Variants in BRF1 observed in about 807,000 individuals in gnomAD.
The protein encoded by BRF1 is transcription factor IIIB 90 kDa subunit.
In BRF1, 59 loss-of-function variants were observed where a neutral mutation model predicts 81.7. The ratio of observed to expected loss-of-function variants is 0.72; its 90% CI spans 0.59 to 0.90. BRF1 has a LOEUF of 0.90. Ranked by LOEUF, BRF1 falls within the 40% of genes least tolerant of loss-of-function variation. The probability of loss-of-function intolerance (pLI) is 0.00; values close to 1 mark genes in which losing one functional copy is unlikely to be tolerated. For synonymous variants in BRF1, 491 were observed against 395.6 expected, an observed-to-expected ratio of 1.24 and a Z score of -2.86; for missense variants, 1,050 against 936.3, an observed-to-expected ratio of 1.12 and a Z score of -1.58.
At chr14:105,215,792 G>C (rs1458867365) in intron 15 of BRF1, among the ~76,000 whole-genome samples, 1 of 85,568 alleles carries the variant, frequency 1.2e-5, no homozygotes, top group African/African-American at 4.9e-5. Flanking sequence ...ACACACACAT[G>C]CACACACACT....
chr14:105,212,323 T>TG, intron 15 of BRF1, 159 bp from the exon 16 acceptor site: 1 of 864,096 alleles, frequency 1.2e-6, no homozygotes. Flanking sequence ...GCTCCATCAG[T>TG]GCTCACTGCA....
At chr14:105,247,029 T>C (rs758870537) in intron 5 of BRF1, 3 of 985,468 alleles carry the variant, frequency 3.0e-6, no homozygotes, top group Non-Finnish European at 3.6e-6. Context: ...GTCTCCACTC[T>C]GGCCATTTGT....
At chr14:105,228,989 C>A (rs587762742) in intron 6 of BRF1, 76 bp from the exon 7 acceptor site, 4 of 1,328,468 alleles carry the variant, frequency 3.0e-6, no homozygotes, top group Non-Finnish European at 3.2e-6. Flanking sequence ...CAGGACAACA[C>A]TGCGGATCCC....
rs369618475 is a variant in BRF1, at chr14:105,226,673, G to A, written c.876C>T (p.Pro292=). ...KIDLEEECDP[P]SYTAGQRKLR... is the part of the protein sequence containing the mutation. ...GCTTCCTCTGCCCAGCTGTGTACGA[G>A]GGGGGGTCGCACTCCTCCTCCAGGT... The change falls in exon 8 of 18, where the codon CCC becomes CCT. Residue 292 remains proline, a synonymous_variant. Transcript: ENST00000547530. 5 of 1,613,256 alleles carry A rather than the reference G, an allele frequency of 3.1e-6. No homozygotes were observed. The East Asian group carries it at 6.7e-5, about 22-fold the overall frequency.
chr14:105,287,644 G>T (rs2057364157), intron 1 of BRF1, among the ~76,000 whole-genome samples: 1 of 152,198 alleles, frequency 6.6e-6, no homozygotes, highest in African/African-American at 2.4e-5. Context: ...AAACCATGAG[G>T]CAGGGACCTC....
At chr14:105,229,588 A>T (rs1263680432) in intron 6 of BRF1, among the ~76,000 whole-genome samples, 2 of 152,240 alleles carry the variant, frequency 1.3e-5, no homozygotes, top group African/African-American at 4.8e-5. Context: ...TCTGAGTGAC[A>T]GCTGCGACCT....
At position 105,252,774 on chromosome 14, in the gene BRF1, C is replaced by T. The variant is rs369826047; in HGVS notation, c.472-195G>A. The stretch of plus-strand genomic sequence containing the variant: ...AGGGCCCTGCCTTCTTCCTCTAAGC[C>T]GCTGCTTTAGGCCGTGCTGCCGTCT... On this transcript the variant is annotated intron_variant, in intron 4 of 17. Coordinates refer to ENST00000547530, the MANE Select transcript of BRF1 (RefSeq NM_001519.4). 9.9e-5 allele frequency among the ~76,000 whole-genome samples: 15 copies of T among 152,228 alleles called. 1 individual carries two copies. The highest frequency in any genetic ancestry group is 4.1e-4 in the South Asian group (2 of 4,836).
Position 105,226,374 on chromosome 14 carries a change from G to A in BRF1, c.916-84C>T. ...TCTGGGGTGCCGCGTGGGCCCCAGG[G>A]ACCACAGGCTGCTAGAACTTAGGGG... is the stretch of plus-strand genomic sequence containing the variant. On this transcript the variant is annotated intron_variant, in intron 8 of 17. Transcript: ENST00000547530. 3 of 1,572,550 alleles carry A rather than the reference G, an allele frequency of 1.9e-6. 1 individual carries two copies. The highest frequency in any genetic ancestry group is 3.4e-4 in the Middle Eastern group (2 of 5,940).
chr14:105,266,331 T>C (rs915779203), intron 3 of BRF1, among the ~76,000 whole-genome samples: 1 of 152,158 alleles, frequency 6.6e-6, no homozygotes, highest in Non-Finnish European at 1.5e-5. Context: ...GAGAGTCGCC[T>C]GAGCCAGGGA....
chr14:105,252,134 C>T (rs1291539169), intron 5 of BRF1, among the ~76,000 whole-genome samples: 1 of 152,196 alleles, frequency 6.6e-6, no homozygotes, highest in East Asian at 1.9e-4. Context: ...TCTACACCTT[C>T]CTGCCACCTG....
chr14:105,286,007 T>C (rs980697193), intron 2 of BRF1, among the ~76,000 whole-genome samples: 5 of 152,222 alleles, frequency 3.3e-5, no homozygotes, highest in African/African-American at 1.2e-4. Flanking sequence ...CCAACTGCTA[T>C]AAATGTGTTA....
chr14:105,304,782 ATGG>A (rs1566882860), upstream of BRF1, among the ~76,000 whole-genome samples: 1 of 152,272 alleles, frequency 6.6e-6, no homozygotes, highest in African/African-American at 2.4e-5. Flanking sequence ...TCTTACGTGG[ATGG>A]CAGCAGGGAG....
intron 5 of BRF1, among the ~76,000 whole-genome samples, chr14:105,251,699 C>T (rs980701725): frequency 6.6e-6 from 1 of 151,986 alleles, no homozygotes; most frequent in Non-Finnish European, 1.5e-5. Flanking sequence ...AAAGGACATA[C>T]GCTCCTAGAT....
At chr14:105,259,144 GAAAT>G (rs1185202423) in intron 3 of BRF1, among the ~76,000 whole-genome samples, 1 of 152,104 alleles carries the variant, frequency 6.6e-6, no homozygotes, top group East Asian at 1.9e-4. Context: ...TTACCCAAGA[GAAAT>G]AAAAACAGAT....
At chr14:105,296,372 G>C (rs2057745300) in intron 1 of BRF1, among the ~76,000 whole-genome samples, 1 of 152,006 alleles carries the variant, frequency 6.6e-6, no homozygotes, top group African/African-American at 2.4e-5. Flanking sequence ...AATTAGCCGG[G>C]CGTGGTGCTG....
At chr14:105,212,006 C>T in intron 16 of BRF1, 107 bp downstream of exon 16, 1 of 1,493,368 alleles carries the variant, frequency 6.7e-7, no homozygotes, top group East Asian at 2.5e-5. Context: ...GGGCAGGCGC[C>T]TCTGTCAGGC....
intron 5 of BRF1, among the ~76,000 whole-genome samples, chr14:105,243,901 A>C (rs2975217): frequency 0.24 from 35,898 of 151,640 alleles, 4,594 homozygotes; most frequent in South Asian, 0.28. Context: ...AAGGAGGCTG[A>C]AACAGGAGAA....
intron 1 of BRF1, among the ~76,000 whole-genome samples, chr14:105,290,116 A>G (rs1315606479): frequency 1.3e-5 from 2 of 152,226 alleles, no homozygotes; most frequent in Non-Finnish European, 2.9e-5. Flanking sequence ...GAAAAAGGAC[A>G]ATGATCAAAG....
At chr14:105,275,720 C>T (rs1223150431) in intron 2 of BRF1, among the ~76,000 whole-genome samples, 3 of 152,272 alleles carry the variant, frequency 2.0e-5, no homozygotes, top group Non-Finnish European at 4.4e-5. Flanking sequence ...TGCAGGGCTG[C>T]TATGGTCAGA....
Sources: allele counts gnomAD v4.1 joint callset (sites outside exome capture counted in the v4.1 genomes callset), GRCh38; gene constraint gnomAD v4.1.1; transcripts MANE v1.5; gene names NCBI Gene and HGNC (gene_info 2026-07-23, HGNC 2026-07-21).